LMF2: variants seen among roughly 807,000 people sequenced by gnomAD.
LMF2 encodes the protein transmembrane protein 112B.
LMF2 carries 113 observed loss-of-function variants against 81.5 expected under a neutral mutation model. The ratio of observed to expected loss-of-function variants is 1.39; its 90% confidence interval spans 1.19 to 1.62. The LOEUF is 1.62. Among genes scored for constraint, LMF2 ranks in the 40% most tolerant of loss-of-function variants. The pLI is 0.00. For missense variants in LMF2, 1,235 were observed against 929.1 expected (o/e 1.33, Z -4.28); for synonymous variants, 645 against 424.5 (o/e 1.52, Z -6.39).
intron 2 of LMF2, 25 bp downstream of exon 2, chr22:50,506,757 T>A (rs1262227430): frequency 6.2e-7 from 1 of 1,612,040 alleles, no homozygotes; most frequent in Admixed American, 1.7e-5. Flanking sequence ...GGAGATAGAG[T>A]GAGCTGGTCA....
At position 50,504,052 on chromosome 22, in the gene LMF2, A is replaced by ACCC. The variant is rs1455619856; in HGVS notation, c.1719-151_1719-149dup. On this transcript the variant is annotated intron_variant, in intron 12 of 13. Coordinates refer to ENST00000474879, the MANE Select transcript of LMF2 (RefSeq NM_033200.3). ...CTTACCCCTGCACCCCGGGCTCCAC[A>ACCC]CCCCACCCGGTGCCCGGCCTTACCC... 505 of 572,412 alleles carry ACCC rather than the reference A, an allele frequency of 8.8e-4. 6 individuals are homozygous for ACCC. In the East Asian group the frequency reaches 0.018, roughly 20 times the overall value. 35.5% of individuals were successfully genotyped at this position (572,412 alleles called of 1,614,324 possible).
chr22:50,507,233 C>T lies in LMF2; in HGVS notation c.95-198G>A, dbSNP rs1325250032. The T allele has an allele frequency of 1.7e-5, 14 of 845,660 alleles. No homozygotes were observed. In the East Asian group the frequency reaches 2.7e-4, roughly 16 times the overall value. 52.4% of individuals were successfully genotyped at this position (845,660 alleles called of 1,614,324 possible). On this transcript the variant is annotated intron_variant, in intron 1 of 13. Transcript: ENST00000474879. ...ACCCCGTCCCAGGGCTAGAGGCCTG[C>T]TCAACTACCTGAGTCAGGGCCTCCC... is the stretch of plus-strand genomic sequence containing the variant.
Position 50,504,451 on chromosome 22 carries a change from A to G in LMF2, c.1607T>C (p.Val536Ala). Residue 536 changes from valine to alanine, a missense_variant and splice_region_variant, in exon 12 of 14, where the codon GTG becomes GCG. Transcript: ENST00000474879. The stretch of plus-strand genomic sequence containing the variant: ...CACTTGGCTCTGGACAAGGCGGATC[A>G]CTGCAGCGAGAGGCATCAGCGTGGC... ...VLRLLQGKEP[V>A]IRLVQSQVAR... 1 of 1,610,810 alleles carries G rather than the reference A, an allele frequency of 6.2e-7. No individual in the cohort carries two copies. The highest frequency in any genetic ancestry group is 2.2e-5 in the East Asian group (1 of 44,762).
In LMF2 at chr22:50,503,938, C is replaced by T. The variant is rs768647384; in HGVS notation, c.1719-34G>A. ...GGACCCGATGTTCAGAAGCTGGAGG[C>T]ACCCCGGGCTCCATACCCCATCGCC... On this transcript the variant is annotated intron_variant, in intron 12 of 13. Coordinates refer to ENST00000474879, the MANE Select transcript of LMF2 (RefSeq NM_033200.3). 3 of 1,589,340 alleles carry T rather than the reference C, an allele frequency of 1.9e-6. No individual in the cohort carries two copies. The African/African-American group carries it at 4.0e-5, about 21-fold the overall frequency.
rs1359066790 is a variant in LMF2, at chr22:50,505,493, G to GT, written c.960dup (p.Leu321ThrfsTer20). On this transcript the variant is annotated frameshift_variant, in exon 7 of 14. Transcript: ENST00000474879. LOFTEE classifies it high-confidence loss of function. The stretch of plus-strand genomic sequence containing the variant: ...TAGGCCAGAAGCCCGTAGACGGCTA[G>GT]TTCCAGCAGCAGCGACAGGGTGGCC... The GT allele has an allele frequency of 6.2e-7, 1 of 1,612,720 alleles. No individual in the cohort carries two copies. The highest frequency in any genetic ancestry group is 8.5e-7 in the Non-Finnish European group (1 of 1,180,030).
In LMF2 at chr22:50,503,530, C is replaced by A. The variant is rs768927123; in HGVS notation, c.1985G>T (p.Arg662Leu). The change falls in exon 14 of 14, where the codon CGG (arginine) becomes CTG (leucine). Residue 662 changes from arginine to leucine, a missense_variant. By Grantham distance (102) the Arg-to-Leu change is moderately radical (BLOSUM62 -2). Transcript: ENST00000474879. ...VQALLAPCSL[R>L]SSPLAPVSGE... ...GCTGACTGGTGCCAGCGGGGAGGAC[C>A]GGAGAGAACAGGGTGCTAGCAGGGC... 1.3e-6 allele frequency: 2 copies of A among 1,569,222 alleles called. No individual in the cohort carries two copies. The highest frequency in any genetic ancestry group is 1.7e-4 in the Middle Eastern group (1 of 5,808).
intron 11 of LMF2, 44 bp from the exon 12 acceptor site, chr22:50,504,495 G>GGCCCCC: frequency 3.0e-6 from 4 of 1,339,582 alleles, no homozygotes; most frequent in Non-Finnish European, 2.1e-6. Context: ...TACCCGCCCT[G>GGCCCCC]CCCCTCCCCT....
Position 50,503,838 on chromosome 22 carries a change from C to A in LMF2, c.1785G>T (p.Leu595=), listed in dbSNP as rs1406190012. 1 of 1,606,220 alleles carries A rather than the reference C, an allele frequency of 6.2e-7. No individual in the cohort carries two copies. The highest frequency in any genetic ancestry group is 1.1e-5 in the South Asian group (1 of 91,076). ...FPSVSLGDPT[L]ETLLRQFGLQ... ...GTCCAAACTGCCTGAGCAGCGTCTC[C>A]AGCGTGGGGTCCCCCAGGGACACGG... Residue 595 remains leucine, a synonymous_variant, in exon 13 of 14, where the codon CTG becomes CTT. Coordinates refer to ENST00000474879, the MANE Select transcript of LMF2 (RefSeq NM_033200.3).
rs369119843 is a variant in LMF2 at position 50,503,656 on chromosome 22, G to C, written c.1859C>G (p.Ala620Gly). 23 of 1,398,528 alleles carry C rather than the reference G, an allele frequency of 1.6e-5. No homozygotes were observed. In the East Asian group the frequency reaches 7.4e-4, roughly 45 times the overall value. The allele number at this position is 1,398,528 out of a possible 1,614,324, so 86.6% of individuals were successfully genotyped here. Residue 620 changes from alanine (A) to glycine (G), a missense_variant, in exon 14 of 14, where the codon GCC becomes GGC. By Grantham distance (60) the Ala-to-Gly change is moderately conservative (BLOSUM62 0). Transcript: ENST00000474879. ...AGAGCGAGTCCAGTGGAGGGCCTGG[G>C]CCAGGGTGCTGTTGGCGCTGCGGGT... ...PRTRSANSTL[A>G]QALHWTRSQL...
chr22:50,504,335 C>T lies in LMF2; in HGVS notation c.1718+5G>A. On this transcript the variant is annotated splice_donor_5th_base_variant and intron_variant, in intron 12 of 13. Transcript: ENST00000474879. ...CTCCACACCCCACCCGGTGCCCAGC[C>T]TTACCCCTGCTCCCCAGGCTGGGAG... The T allele has an allele frequency of 1.2e-6, 2 of 1,609,188 alleles. No individual in the cohort carries two copies. The highest frequency in any genetic ancestry group is 2.2e-5 in the South Asian group (2 of 90,852).
At position 50,506,015 on chromosome 22, in the gene LMF2, C is replaced by T; in HGVS notation, c.774+20G>A. 6.4e-7 allele frequency: 1 copy of T among 1,572,064 alleles called. No homozygotes were observed. The highest frequency in any genetic ancestry group is 8.6e-7 in the Non-Finnish European group (1 of 1,158,046). On this transcript the variant is annotated intron_variant, in intron 5 of 13. Transcript: ENST00000474879. ...CCGAGCCCTGTCTGCCTCTCTCTGA[C>T]AGCTGCGGCCCTCACCCACCTGCGA... is the stretch of plus-strand genomic sequence containing the variant.
In LMF2 at chr22:50,506,404, C is replaced by G. The variant is rs1189658701; in HGVS notation, c.476G>C (p.Gly159Ala). The G allele has an allele frequency of 3.2e-6, 5 of 1,549,794 alleles. No individual in the cohort carries two copies. In the South Asian group the frequency reaches 5.9e-5, roughly 18 times the overall value. Residue 159 changes from glycine (G) to alanine (A), a missense_variant, in exon 4 of 14, where the codon GGG becomes GCG. By Grantham distance (60) the Gly-to-Ala change is moderately conservative (BLOSUM62 0). Coordinates refer to ENST00000474879, the MANE Select transcript of LMF2 (RefSeq NM_033200.3). Reference protein sequence around the residue: ...RKEAPQGRQAGALPHEDLPFW... With the variant: ...RKEAPQGRQAAALPHEDLPFW... Reference sequence around the variant, plus strand: ...GGGGAGGTCTTCGTGGGGCAGGGCCCCTGCCTGCCTGCCCTGGGGGGCCTC... The same window carrying G: ...GGGGAGGTCTTCGTGGGGCAGGGCCGCTGCCTGCCTGCCCTGGGGGGCCTC...
chr22:50,505,016 C>T, intron 9 of LMF2, 32 bp from the exon 10 acceptor site: 1 of 1,612,294 alleles, frequency 6.2e-7, no homozygotes, highest in Non-Finnish European at 8.5e-7. Flanking sequence ...TCAGGGCTGC[C>T]CTGCCCCCAG....
chr22:50,505,281 C>A lies in LMF2; in HGVS notation c.1105G>T (p.Val369Leu). 2 of 1,613,304 alleles carry A rather than the reference C, an allele frequency of 1.2e-6. No individual in the cohort carries two copies. The highest frequency in any genetic ancestry group is 1.7e-6 in the Non-Finnish European group (2 of 1,180,020). The change falls in exon 8 of 14, where the codon GTG becomes TTG. Residue 369 changes from valine to leucine, a missense_variant. Val to Leu is a conservative substitution (Grantham distance 32, BLOSUM62 1). Coordinates refer to ENST00000474879, the MANE Select transcript of LMF2 (RefSeq NM_033200.3). Reference protein sequence around the residue: ...QWLKTLTLPTVWLGVASLVWE... With the variant: ...QWLKTLTLPTLWLGVASLVWE... The stretch of plus-strand genomic sequence containing the variant: ...ACCAGGGAGGCCACACCCAGCCACA[C>A]AGTGGGCAGCGTCAGTGTCTTCAGC...
Position 50,503,537 on chromosome 22 carries a change from A to G in LMF2, c.1978T>C (p.Ser660Pro). 6.4e-7 allele frequency: 1 copy of G among 1,567,000 alleles called. No homozygotes were observed. The highest frequency in any genetic ancestry group is 1.2e-5 in the South Asian group (1 of 85,500). The change falls in exon 14 of 14, where the codon TCT (serine) becomes CCT (proline). Residue 660 changes from serine to proline, a missense_variant. Transcript: ENST00000474879. Reference sequence around the variant, plus strand: ...GGTGCCAGCGGGGAGGACCGGAGAGAACAGGGTGCTAGCAGGGCTTGCACA... The same window carrying G: ...GGTGCCAGCGGGGAGGACCGGAGAGGACAGGGTGCTAGCAGGGCTTGCACA... ...RFVQALLAPC[S>P]LRSSPLAPVS...
chr22:50,507,431 C>A, intron 1 of LMF2, 151 bp downstream of exon 1: 2 of 694,092 alleles, frequency 2.9e-6, no homozygotes, highest in Admixed American at 4.3e-5. Context: ...ACCCCCACAG[C>A]GGCCTGCAGG....
intron 1 of LMF2, 37 bp from the exon 2 acceptor site, chr22:50,507,072 C>A (rs1393306564): frequency 1.9e-6 from 3 of 1,556,520 alleles, no homozygotes; most frequent in Non-Finnish European, 2.6e-6. Flanking sequence ...CCCTGGACAG[C>A]CCTTGCAGAC....
chr22:50,506,086 G>T lies in LMF2; in HGVS notation c.723C>A (p.Pro241=). ...GGCGTCGAATGGGGGCGAAGAACAG[G>T]GGCGGCACAGCGATCTCAATTAGGA... is the stretch of plus-strand genomic sequence containing the variant. The part of the protein sequence containing the change: ...ATFLIEIAVP[P]LFFAPIRRLR... Residue 241 remains proline (P), a synonymous_variant, in exon 5 of 14, where the codon CCC becomes CCA. Transcript: ENST00000474879. 1.9e-6 allele frequency: 3 copies of T among 1,591,382 alleles called. No homozygotes were observed. Among genetic ancestry groups the T allele is most frequent in the Non-Finnish European group, 2.6e-6 (3 of 1,169,362 alleles).
At position 50,503,470 on chromosome 22, in the gene LMF2, G is replaced by C. The variant is rs142643928; in HGVS notation, c.2045C>G (p.Ser682Cys). ...EKRRPASQKD[S>C]GAASEQATAA... Reference sequence around the variant, plus strand: ...GGTGGCCTGTTCGGAGGCAGCTCCGGAGTCTTTCTGGGAGGCTGGCCTGCG... The same window carrying C: ...GGTGGCCTGTTCGGAGGCAGCTCCGCAGTCTTTCTGGGAGGCTGGCCTGCG... The change falls in exon 14 of 14, where the codon TCC becomes TGC. Residue 682 changes from serine to cysteine, a missense_variant. Transcript: ENST00000474879. 6.3e-7 allele frequency: 1 copy of C among 1,597,060 alleles called. No homozygotes were observed. Among genetic ancestry groups the C allele is most frequent in the African/African-American group, 1.4e-5 (1 of 73,768 alleles).
Sources: allele counts gnomAD v4.1 joint callset, GRCh38; gene constraint gnomAD v4.1.1; transcripts MANE v1.5; gene names NCBI Gene and HGNC (gene_info 2026-07-23, HGNC 2026-07-21).